PYHIN1: variants seen among roughly 807,000 people sequenced by gnomAD.
The protein encoded by PYHIN1 is pyrin and HIN domain-containing protein 1.
A neutral mutation model predicts 43.7 loss-of-function variants in PYHIN1; 32 were observed. The observed-to-expected ratio is 0.73, with a 90% CI of 0.55 to 0.98. The LOEUF (loss-of-function observed/expected upper bound fraction) is 0.98, where lower values mean the gene tolerates loss of function less well. Ranked by LOEUF, PYHIN1 falls within the 50% of genes least tolerant of loss-of-function variation. The probability of loss-of-function intolerance (pLI) is 0.00; values close to 1 mark genes in which losing one functional copy is unlikely to be tolerated. For synonymous variants in PYHIN1, 205 were observed against 203.1 expected (o/e 1.01, Z -0.08); for missense variants, 588 against 589.5 (o/e 1.00, Z 0.03).
chr1:158,983,320 T>A, the PYHIN1 span, among the ~76,000 whole-genome samples: 1 of 152,274 alleles, frequency 6.6e-6, no homozygotes, highest in East Asian at 1.9e-4. Context: ...GTTCCTTTGA[T>A]ACCTAGTTTG....
chr1:158,961,702 G>C (rs1650327559), intron 7 of PYHIN1, among the ~76,000 whole-genome samples: 1 of 152,158 alleles, frequency 6.6e-6, no homozygotes, highest in Non-Finnish European at 1.5e-5. Flanking sequence ...GGGCTCAGGA[G>C]ATACCCCTAT....
intron 2 of PYHIN1, among the ~76,000 whole-genome samples, chr1:158,938,086 A>G (rs1272581694): frequency 6.6e-6 from 1 of 152,242 alleles, no homozygotes; most frequent in African/African-American, 2.4e-5. Flanking sequence ...TGAGAACCTT[A>G]CATTTTAAAA....
intron 6 of PYHIN1, among the ~76,000 whole-genome samples, chr1:158,944,658 G>C (rs773339155): frequency 6.6e-6 from 1 of 151,968 alleles, no homozygotes; most frequent in Non-Finnish European, 1.5e-5. Flanking sequence ...AAAAATAAGT[G>C]AATAAAGATT....
chr1:158,973,536 C>A, intron 7 of PYHIN1, 111 bp from the exon 8 acceptor site: 1 of 1,014,490 alleles, frequency 9.9e-7, no homozygotes, highest in Non-Finnish European at 1.5e-6. Context: ...CACACACACA[C>A]ATATACACAC....
intron 7 of PYHIN1, among the ~76,000 whole-genome samples, chr1:158,950,503 T>C (rs1235981110): frequency 1.3e-5 from 2 of 152,292 alleles, no homozygotes; most frequent in East Asian, 3.9e-4. Context: ...AAAGAGGACC[T>C]GAGGGTGTGT....
intron 7 of PYHIN1, 44 bp from the exon 8 acceptor site, chr1:158,973,603 T>A (rs1200981950): frequency 6.2e-7 from 1 of 1,606,270 alleles, no homozygotes. Context: ...CAGTTCTTTC[T>A]GTCATAAAGT....
intron 6 of PYHIN1, among the ~76,000 whole-genome samples, chr1:158,944,554 G>T (rs1239608554): frequency 6.6e-6 from 1 of 152,200 alleles, no homozygotes; most frequent in Non-Finnish European, 1.5e-5. Flanking sequence ...TTTGGCATAT[G>T]TGGAAAGGTA....
chr1:158,988,441 T>C, the PYHIN1 span, among the ~76,000 whole-genome samples: 1 of 151,154 alleles, frequency 6.6e-6, no homozygotes, highest in South Asian at 2.1e-4. Flanking sequence ...GAGAGGAGAG[T>C]CAAAGAGAAA....
rs1648273839 is a variant in PYHIN1 at position 158,933,233 on chromosome 1, T to C, written c.-21+1457T>C. On this transcript the variant is annotated intron_variant, in intron 1 of 8. Transcript: ENST00000368140. The surrounding 1 kb of genome is among the most constrained non-coding windows in gnomAD (Gnocchi z 6.3). ...GTTTCCAAACATAAACATACACATA[T>C]AAATATATATATTTGTGGCACCGTG... Among the ~76,000 whole-genome samples, 1 of 151,748 alleles carries C rather than the reference T, an allele frequency of 6.6e-6. No homozygotes were observed. Among genetic ancestry groups the C allele is most frequent in the African/African-American group, 2.4e-5 (1 of 41,488 alleles).
At chr1:158,952,111 T>TG (rs1462624150) in intron 7 of PYHIN1, among the ~76,000 whole-genome samples, 1 of 145,000 alleles carries the variant, frequency 6.9e-6, no homozygotes, top group Non-Finnish European at 1.5e-5. Context: ...TGTGTCGGTT[T>TG]TTTTTTTTTT....
chr1:158,955,066 T>A (rs1429400526), intron 7 of PYHIN1, among the ~76,000 whole-genome samples: 8 of 152,034 alleles, frequency 5.3e-5, no homozygotes, highest in Admixed American at 2.0e-4. Flanking sequence ...CCTAAATATA[T>A]ATGCACCCAA....
chr1:158,939,750 GT>G (rs1455844788), intron 4 of PYHIN1: 1 of 543,308 alleles, frequency 1.8e-6, no homozygotes, highest in Non-Finnish European at 3.3e-6. Context: ...ATGGTGTTCT[GT>G]TTCCTAGGAA....
downstream of PYHIN1, among the ~76,000 whole-genome samples, chr1:158,977,637 T>C (rs541482795): frequency 1.6e-4 from 24 of 152,254 alleles, no homozygotes; most frequent in African/African-American, 5.8e-4. Flanking sequence ...AAACTTACAA[T>C]GTATTTATGG....
At chr1:158,950,361 C>A (rs1009703102) in intron 7 of PYHIN1, among the ~76,000 whole-genome samples, 7 of 152,140 alleles carry the variant, frequency 4.6e-5, no homozygotes, top group Admixed American at 3.3e-4. Context: ...AGGTAATGTC[C>A]GGGGCTTGTG....
chr1:158,936,875 C>T lies in PYHIN1; in HGVS notation c.-20-16C>T. ...TGTATACATGTGTAACACTATATAC[C>T]ATTTTTCTCTTGCAGGCTCACTTAT... is the stretch of plus-strand genomic sequence containing the variant. On this transcript the variant is annotated splice_polypyrimidine_tract_variant and intron_variant, in intron 1 of 8. Coordinates refer to ENST00000368140, the MANE Select transcript of PYHIN1 (RefSeq NM_152501.5). The T allele has an allele frequency of 6.6e-7, 1 of 1,513,288 alleles. No individual in the cohort carries two copies. The highest frequency in any genetic ancestry group is 1.4e-5 in the South Asian group (1 of 73,154). 93.7% of individuals were successfully genotyped at this position (1,513,288 alleles called of 1,614,324 possible).
rs567954725 is a variant in PYHIN1, at chr1:158,932,370, G to A, written c.-21+594G>A. On this transcript the variant is annotated intron_variant, in intron 1 of 8. Transcript: ENST00000368140. Reference sequence around the variant, plus strand: ...TATCTGGTACTATGTCGCTACCTTGGTGATGGGATCACCAGACAACAAGCC... The same window carrying A: ...TATCTGGTACTATGTCGCTACCTTGATGATGGGATCACCAGACAACAAGCC... Among the ~76,000 whole-genome samples the A allele has an allele frequency of 1.1e-3, 171 of 152,222 alleles. 1 individual carries two copies. Among genetic ancestry groups the A allele is most frequent in the African/African-American group, 3.8e-3 (157 of 41,542 alleles).
At chr1:158,986,770 C>G in the PYHIN1 span, among the ~76,000 whole-genome samples, 1 of 152,160 alleles carries the variant, frequency 6.6e-6, no homozygotes, top group Admixed American at 6.6e-5. Flanking sequence ...TGTCCATGCT[C>G]CACTGCAGCC....
chr1:158,986,891 C>T, the PYHIN1 span, among the ~76,000 whole-genome samples: 1 of 152,202 alleles, frequency 6.6e-6, no homozygotes, highest in Non-Finnish European at 1.5e-5. Flanking sequence ...TCTCCTACAG[C>T]TAGGATTCTG....
chr1:158,953,386 G>C (rs896118476), intron 7 of PYHIN1, among the ~76,000 whole-genome samples: 33 of 150,798 alleles, frequency 2.2e-4, no homozygotes, highest in Non-Finnish European at 4.0e-4. Context: ...GGTTCTCCCA[G>C]CACGCAGCTG....
Sources: allele counts gnomAD v4.1 joint callset (sites outside exome capture counted in the v4.1 genomes callset), GRCh38; gene constraint gnomAD v4.1.1; non-coding constraint Gnocchi (gnomAD v3.1); transcripts MANE v1.5; gene names NCBI Gene and HGNC (gene_info 2026-07-23, HGNC 2026-07-21).